GPC5: variants seen among roughly 807,000 people sequenced by gnomAD.
GPC5 encodes the protein glypican 5.
Under a neutral mutation model 53.9 loss-of-function variants are expected in GPC5, and 47 were observed. That is an observed-to-expected ratio of 0.87 (90% CI 0.69 to 1.11). The LOEUF (loss-of-function observed/expected upper bound fraction) is 1.11. GPC5 is among the 50% of genes most tolerant of loss of function. The pLI, the probability that GPC5 is intolerant of heterozygous loss-of-function variation, is 0.00. For missense variants in GPC5, 748 were observed against 713.1 expected, an observed-to-expected ratio of 1.05 and a Z score of -0.56; for synonymous variants, 286 against 263.3, an observed-to-expected ratio of 1.09 and a Z score of -0.84.
At chr13:91,833,138 A>G (rs898738766) in intron 5 of GPC5, among the ~76,000 whole-genome samples, 2 of 152,188 alleles carry the variant, frequency 1.3e-5, no homozygotes, top group African/African-American at 4.8e-5. Context: ...AAACTAGAAA[A>G]TCTAGAAGAA....
At chr13:92,701,207 TG>T (rs1363607531) in intron 7 of GPC5, among the ~76,000 whole-genome samples, 1 of 152,116 alleles carries the variant, frequency 6.6e-6, no homozygotes, top group African/African-American at 2.4e-5. Flanking sequence ...TTTTAAAATT[TG>T]GATTGATGGC....
intron 7 of GPC5, among the ~76,000 whole-genome samples, chr13:92,314,321 G>GA (rs965881509): frequency 1.3e-5 from 2 of 152,002 alleles, no homozygotes; most frequent in African/African-American, 4.8e-5. Context: ...ACTTTGGAAG[G>GA]AAAAACTCAA....
At chr13:91,907,503 T>TTATATATATA (rs369447673) in intron 5 of GPC5, among the ~76,000 whole-genome samples, 6,090 of 129,298 alleles carry the variant, frequency 0.047, 161 homozygotes, top group Non-Finnish European at 0.054. Flanking sequence ...CTCTCTCTCT[T>TTATATATATA]TATATATATA....
chr13:92,407,923 T>G (rs1875863651), intron 7 of GPC5, among the ~76,000 whole-genome samples: 1 of 152,224 alleles, frequency 6.6e-6, no homozygotes, highest in Non-Finnish European at 1.5e-5. Flanking sequence ...AGTAAAAGAT[T>G]GGTCTATAAA....
chr13:92,649,010 C>T (rs1193140213), intron 7 of GPC5, among the ~76,000 whole-genome samples: 2 of 152,044 alleles, frequency 1.3e-5, no homozygotes, highest in Non-Finnish European at 2.9e-5. Flanking sequence ...CTTCTGCCTT[C>T]GTGTATAATA....
At chr13:91,893,489 A>G (rs888451735) in intron 5 of GPC5, among the ~76,000 whole-genome samples, 1 of 152,100 alleles carries the variant, frequency 6.6e-6, no homozygotes. Context: ...TATCATGTAG[A>G]CACAACATAT....
In GPC5 at chr13:92,060,967, G is replaced by T. The variant is rs141889219; in HGVS notation, c.1402-83863G>T. ...AATAGAAGCAAACCACAAACTTGAG[G>T]CTACTTGTGTTTAAATTCTAAGACA... On this transcript the variant is annotated intron_variant, in intron 6 of 7. Coordinates refer to ENST00000377067, the MANE Select transcript of GPC5 (RefSeq NM_004466.6). Among the ~76,000 whole-genome samples the T allele has an allele frequency of 2.6e-5, 4 of 152,032 alleles. 1 individual carries two copies. The East Asian group carries it at 7.7e-4, about 29-fold the overall frequency.
At chr13:92,145,560 G>A (rs553566756) in intron 7 of GPC5, among the ~76,000 whole-genome samples, 6 of 151,352 alleles carry the variant, frequency 4.0e-5, no homozygotes, top group Non-Finnish European at 8.8e-5. Context: ...TACCACAAAG[G>A]ATAGAATTTT....
chr13:92,043,926 A>C (rs1349864990), intron 6 of GPC5, among the ~76,000 whole-genome samples: 1 of 152,174 alleles, frequency 6.6e-6, no homozygotes, highest in African/African-American at 2.4e-5. Context: ...GTACATATGC[A>C]ATTTGAATCC....
At chr13:92,189,142 G>C (rs971100090) in intron 7 of GPC5, among the ~76,000 whole-genome samples, 5 of 152,172 alleles carry the variant, frequency 3.3e-5, no homozygotes, top group African/African-American at 9.7e-5. Context: ...GGTCCCCACG[G>C]TGACTATCTG....
intron 5 of GPC5, among the ~76,000 whole-genome samples, chr13:91,847,682 G>T (rs1195888085): frequency 6.6e-6 from 1 of 152,114 alleles, no homozygotes; most frequent in Non-Finnish European, 1.5e-5. Flanking sequence ...TACAGGAAGA[G>T]ACACCAGATT....
chr13:91,910,316 A>G (rs1401897268), intron 6 of GPC5, among the ~76,000 whole-genome samples: 4 of 152,188 alleles, frequency 2.6e-5, no homozygotes, highest in Admixed American at 6.5e-5. Flanking sequence ...AATGTCAGCT[A>G]TGAAAGGATT....
intron 6 of GPC5, among the ~76,000 whole-genome samples, chr13:91,998,867 C>T (rs1168873031): frequency 6.6e-6 from 1 of 152,182 alleles, no homozygotes; most frequent in Non-Finnish European, 1.5e-5. Context: ...CCAAGCCACA[C>T]AGAACTGAGT....
chr13:92,862,161 A>T (rs2138856337), intron 7 of GPC5, among the ~76,000 whole-genome samples: 1 of 152,326 alleles, frequency 6.6e-6, no homozygotes, highest in South Asian at 2.1e-4. Context: ...TACCTTGAGT[A>T]AATTACTTCT....
At chr13:92,501,159 AGTAAT>A (rs1880169385) in intron 7 of GPC5, among the ~76,000 whole-genome samples, 1 of 152,190 alleles carries the variant, frequency 6.6e-6, no homozygotes, top group East Asian at 1.9e-4. Context: ...GAAGTGACAC[AGTAAT>A]GAGAGTAATT....
intron 5 of GPC5, among the ~76,000 whole-genome samples, chr13:91,894,423 A>G (rs1446853201): frequency 2.0e-5 from 3 of 152,212 alleles, no homozygotes; most frequent in African/African-American, 7.2e-5. Flanking sequence ...TTTTGTACTA[A>G]GCAAAAACAA....
intron 7 of GPC5, among the ~76,000 whole-genome samples, chr13:92,793,974 A>G (rs555729917): frequency 6.6e-6 from 1 of 152,174 alleles, no homozygotes; most frequent in Non-Finnish European, 1.5e-5. Flanking sequence ...AGCTGGTACC[A>G]TTCCTTCTGA....
chr13:92,701,169 C>A (rs1887726482), intron 7 of GPC5, among the ~76,000 whole-genome samples: 1 of 152,024 alleles, frequency 6.6e-6, no homozygotes, highest in Admixed American at 6.6e-5. Flanking sequence ...GGACACATGA[C>A]AACATCTTAA....
intron 5 of GPC5, among the ~76,000 whole-genome samples, chr13:91,800,824 T>C (rs1163634132): frequency 3.3e-5 from 5 of 152,128 alleles, no homozygotes; most frequent in African/African-American, 1.2e-4. Context: ...TTCAACTTTA[T>C]GTGTAGTATA....
Sources: allele counts gnomAD v4.1 joint callset (sites outside exome capture counted in the v4.1 genomes callset), GRCh38; gene constraint gnomAD v4.1.1; transcripts MANE v1.5; gene names NCBI Gene and HGNC (gene_info 2026-07-23, HGNC 2026-07-21).